The following CLCA4 variants were observed in gnomAD, a reference collection of about 807,000 sequenced individuals.
CLCA4 encodes the protein calcium-activated chloride channel regulator 4.
In CLCA4, 69 loss-of-function variants were observed where a neutral mutation model predicts 78.9. That is an observed-to-expected ratio of 0.87 (90% confidence interval 0.72 to 1.07). CLCA4 has a LOEUF of 1.07. Ranked by LOEUF, CLCA4 falls within the 50% of genes least tolerant of loss-of-function variation. The pLI is 0.00. For synonymous variants in CLCA4, 362 were observed against 375.8 expected, an observed-to-expected ratio of 0.96 and a Z score of 0.42; for missense variants, 1,133 against 1,095.8, an observed-to-expected ratio of 1.03 and a Z score of -0.48.
chr1:86,579,254 AT>A (rs982027764), intron 12 of CLCA4, 99 bp from the exon 13 acceptor site: 80 of 894,638 alleles, frequency 8.9e-5, no homozygotes, highest in Admixed American at 7.4e-4. Flanking sequence ...GACTGTATAT[AT>A]TTTTTTAGAA....
At chr1:86,564,319 G>A (rs551862233) in intron 4 of CLCA4, among the ~76,000 whole-genome samples, 3 of 152,270 alleles carry the variant, frequency 2.0e-5, no homozygotes, top group Admixed American at 2.0e-4. Context: ...CAATGTAGAT[G>A]TCCTGCTGGG....
chr1:86,556,057 G>T (rs558588742), intron 1 of CLCA4, among the ~76,000 whole-genome samples: 5 of 152,130 alleles, frequency 3.3e-5, no homozygotes, highest in Non-Finnish European at 5.9e-5. Flanking sequence ...GATTTTGTAT[G>T]CTGAAACTTT....
rs1650395471 is a variant in CLCA4, at chr1:86,572,822, T to C, written c.1467+102T>C. Reference sequence around the variant, plus strand: ...AGTTCCATATTTTTCTCAAAGTAAATTTTTAATTAAAATCTAAACTTTAAT... The same window carrying C: ...AGTTCCATATTTTTCTCAAAGTAAACTTTTAATTAAAATCTAAACTTTAAT... On this transcript the variant is annotated intron_variant, in intron 9 of 13. Transcript: ENST00000370563. 8 of 735,378 alleles carry C rather than the reference T, an allele frequency of 1.1e-5. No homozygotes were observed. In the East Asian group the frequency reaches 2.1e-4, roughly 20 times the overall value. 45.6% of individuals were successfully genotyped at this position (735,378 alleles called of 1,614,324 possible). A position where few individuals can be genotyped will look rare whatever the true frequency, so the allele number is the denominator to read the frequency against.
intron 12 of CLCA4, among the ~76,000 whole-genome samples, chr1:86,578,896 C>T (rs114142939): frequency 0.046 from 7,061 of 152,062 alleles, 257 homozygotes; most frequent in Non-Finnish European, 0.058. Context: ...AGCTTTCTTT[C>T]ATCTGGTCCC....
At chr1:86,560,116 T>C (rs747965451) in intron 2 of CLCA4, 44 bp downstream of exon 2, 6 of 1,554,060 alleles carry the variant, frequency 3.9e-6, no homozygotes, top group Admixed American at 2.1e-5. Context: ...TTTTCTGATA[T>C]TAACCATTTT....
intron 9 of CLCA4, 58 bp from the exon 10 acceptor site, chr1:86,574,482 A>G: frequency 7.0e-7 from 1 of 1,423,146 alleles, no homozygotes; most frequent in Non-Finnish European, 9.8e-7. Context: ...AACCATCTTG[A>G]AAAAAGAATA....
intron 13 of CLCA4, 44 bp from the exon 14 acceptor site, chr1:86,579,898 G>A (rs1384377873): frequency 1.6e-6 from 2 of 1,220,104 alleles, no homozygotes; most frequent in East Asian, 4.7e-5. Flanking sequence ...GAATGAATAT[G>A]CTATGCTGCA....
At position 86,574,528 on chromosome 1, in the gene CLCA4, CTATT is replaced by C; in HGVS notation, c.1468-9_1468-6del. ...CTTCTGCAGTCATTAATTTTGAAAT[CTATT>C]TAAACAGCTCGAAAGTAAGGGATTA... On this transcript the variant is annotated splice_polypyrimidine_tract_variant and splice_region_variant and intron_variant, in intron 9 of 13. Coordinates refer to ENST00000370563, the MANE Select transcript of CLCA4 (RefSeq NM_012128.4). 6.3e-7 allele frequency: 1 copy of C among 1,598,666 alleles called. No individual in the cohort carries two copies. The highest frequency in any genetic ancestry group is 1.1e-5 in the South Asian group (1 of 90,588).
intron 7 of CLCA4, among the ~76,000 whole-genome samples, chr1:86,570,080 A>G (rs1650304039): frequency 6.6e-6 from 1 of 151,932 alleles, no homozygotes; most frequent in African/African-American, 2.4e-5. Flanking sequence ...ATATATTGCA[A>G]TATATATATT....
chr1:86,575,517 T>C lies in CLCA4; in HGVS notation c.1869T>C (p.Pro623=), dbSNP rs1650486783. The part of the protein sequence containing the change: ...VYAEILQGYV[P]VLGANVTAFI... ...CAGAAATTCTACAAGGATATGTACC[T>C]GTTCTTGGAGCCAATGTGACTGCTT... Residue 623 remains proline, a synonymous_variant, in exon 11 of 14, where the codon CCT becomes CCC. Transcript: ENST00000370563. 1.9e-6 allele frequency: 3 copies of C among 1,613,346 alleles called. No individual in the cohort carries two copies. Among genetic ancestry groups the C allele is most frequent in the African/African-American group, 1.3e-5 (1 of 74,880 alleles).
At chr1:86,556,418 C>G (rs961355089) in intron 1 of CLCA4, among the ~76,000 whole-genome samples, 1 of 152,120 alleles carries the variant, frequency 6.6e-6, no homozygotes, top group South Asian at 2.1e-4. Flanking sequence ...ATATTGAAAA[C>G]CTTTTCTCCA....
chr1:86,573,408 T>C (rs1650413268), intron 9 of CLCA4, among the ~76,000 whole-genome samples: 1 of 152,034 alleles, frequency 6.6e-6, no homozygotes, highest in Admixed American at 6.6e-5. Context: ...TCTCTCAAAA[T>C]ATATTTTACA....
At position 86,572,683 on chromosome 1, in the gene CLCA4, C is replaced by T. The variant is rs1201582911; in HGVS notation, c.1430C>T (p.Thr477Ile). 3.1e-6 allele frequency: 5 copies of T among 1,606,892 alleles called. No individual in the cohort carries two copies. The East Asian group carries it at 6.7e-5, about 22-fold the overall frequency. Residue 477 changes from threonine (T) to isoleucine (I), a missense_variant, in exon 9 of 14, where the codon ACA becomes ATA. Transcript: ENST00000370563. ...NGLIDAFGAL[T>I]SGNTDLSQKS... ...CTCATTGATGCTTTTGGGGCTCTTA[C>T]ATCAGGAAATACTGATCTCTCCCAG...
intron 6 of CLCA4, among the ~76,000 whole-genome samples, chr1:86,566,413 C>T (rs1040296756): frequency 6.6e-6 from 1 of 151,998 alleles, no homozygotes; most frequent in Non-Finnish European, 1.5e-5. Flanking sequence ...CATCTTTATC[C>T]CCATTTCCTA....
chr1:86,571,086 G>C lies in CLCA4; in HGVS notation c.1192G>C (p.Glu398Gln). 1.9e-6 allele frequency: 3 copies of C among 1,609,528 alleles called. No individual in the cohort carries two copies. The highest frequency in any genetic ancestry group is 2.5e-6 in the Non-Finnish European group (3 of 1,176,564). The change falls in exon 8 of 14, where the codon GAG becomes CAG. Residue 398 changes from glutamate (E) to glutamine (Q), a missense_variant. Transcript: ENST00000370563. Reference sequence around the variant, plus strand: ...TGCATTATGTTTGCAGGTGATTGGAGAGCTACATTCCCAACTCGATGGATC... The same window carrying C: ...TGCATTATGTTTGCAGGTGATTGGACAGCTACATTCCCAACTCGATGGATC... ...GIKYAFQVIG[E>Q]LHSQLDGSEV...
chr1:86,563,285 TAA>T (rs1402911441), intron 3 of CLCA4, among the ~76,000 whole-genome samples: 3 of 151,714 alleles, frequency 2.0e-5, no homozygotes. Flanking sequence ...CTATGTGTCT[TAA>T]ATACCATAAA....
At chr1:86,577,847 TA>T (rs1650564406) in intron 11 of CLCA4, 54 bp from the exon 12 acceptor site, 1 of 1,532,024 alleles carries the variant, frequency 6.5e-7, no homozygotes, top group Admixed American at 1.9e-5. Context: ...TTGCTTGTCT[TA>T]GAAAATGCAA....
chr1:86,578,627 G>T (rs1335076420), intron 12 of CLCA4, among the ~76,000 whole-genome samples: 1 of 151,968 alleles, frequency 6.6e-6, no homozygotes, highest in Non-Finnish European at 1.5e-5. Context: ...TCCTGCAAAA[G>T]ACATGATCTC....
At chr1:86,552,778 T>C in intron 1 of CLCA4, 2 of 1,341,326 alleles carry the variant, frequency 1.5e-6, no homozygotes, top group South Asian at 1.2e-5. Flanking sequence ...GTCCAGGTTG[T>C]AGTAGGGGCT....
Sources: allele counts gnomAD v4.1 joint callset (sites outside exome capture counted in the v4.1 genomes callset), GRCh38; gene constraint gnomAD v4.1.1; transcripts MANE v1.5; gene names NCBI Gene and HGNC (gene_info 2026-07-23, HGNC 2026-07-21).